Variants in TCF20 observed in about 807,000 individuals in gnomAD.
TCF20 encodes SPRE-binding protein.
A neutral mutation model predicts 148.6 loss-of-function variants in TCF20; 3 were observed. The ratio of observed to expected loss-of-function variants is 0.02; its 90% CI spans 0.01 to 0.05. TCF20 has a LOEUF of 0.05. Among genes scored for constraint, TCF20 ranks in the 10% least tolerant of loss-of-function variants. The pLI, the probability that TCF20 is intolerant of heterozygous loss-of-function variation, is 1.00. For missense variants in TCF20, 2,350 were observed against 2,429.3 expected (o/e 0.97, Z 0.69); for synonymous variants, 1,049 against 909.5 (o/e 1.15, Z -2.76).
intron 2 of TCF20, among the ~76,000 whole-genome samples, chr22:42,199,310 T>C (rs1303182807): frequency 6.6e-6 from 1 of 152,192 alleles, no homozygotes; most frequent in African/African-American, 2.4e-5. Context: ...CCCATGTTTC[T>C]TGCTCCTTCC....
intron 1 of TCF20, among the ~76,000 whole-genome samples, chr22:42,302,908 A>C (rs573617890): frequency 6.6e-6 from 1 of 152,298 alleles, no homozygotes; most frequent in East Asian, 1.9e-4. Context: ...TGGGGTGACT[A>C]TTCATGGAAA....
chr22:42,215,022 T>A lies in TCF20; in HGVS notation c.284A>T (p.Asn95Ile), dbSNP rs771822478. The A allele has an allele frequency of 1.9e-6, 3 of 1,614,228 alleles. No homozygotes were observed. The highest frequency in any genetic ancestry group is 1.1e-5 in the South Asian group (1 of 91,088). ...GGTTCCTGTAGTCACGGGGTCTTTG[T>A]TGCCTGCCATGTAGTAAAAATCTCC... ...EAGDFYYMAG[N>I]KDPVTTGTPQ... The change falls in exon 2 of 6, where the codon AAC becomes ATC. Residue 95 changes from asparagine to isoleucine, a missense_variant. Asn to Ile is a moderately radical substitution (Grantham distance 149). Transcript: ENST00000677622.
At chr22:42,192,281 G>A (rs1299151443) in intron 2 of TCF20, among the ~76,000 whole-genome samples, 1 of 152,184 alleles carries the variant, frequency 6.6e-6, no homozygotes, top group Non-Finnish European at 1.5e-5. Flanking sequence ...CCCTTAACAA[G>A]ATTTCAAATC....
rs2147105902 is a variant in TCF20, at chr22:42,183,605, C to T, written c.5656-3903G>A. Among the ~76,000 whole-genome samples the T allele has an allele frequency of 2.0e-5, 3 of 152,268 alleles. 1 individual carries two copies. The South Asian group carries it at 6.2e-4, about 32-fold the overall frequency. ...ACTCTGGACTTTTCCAAAGCCCAGC[C>T]CACACCTCAATTCCAGCCCAGTAAG... On this transcript the variant is annotated intron_variant, in intron 2 of 5. Coordinates refer to ENST00000677622, the MANE Select transcript of TCF20 (RefSeq NM_001378418.1).
chr22:42,188,293 CAAAAAAA>C (rs58945649), intron 2 of TCF20, among the ~76,000 whole-genome samples: 25 of 49,462 alleles, frequency 5.1e-4, no homozygotes, highest in African/African-American at 9.1e-4. Flanking sequence ...AACTCCGTCT[CAAAAAAA>C]AAAAAAAAAA....
intron 1 of TCF20, among the ~76,000 whole-genome samples, chr22:42,253,141 C>G (rs1039570381): frequency 3.3e-5 from 5 of 152,088 alleles, no homozygotes; most frequent in Admixed American, 2.6e-4. Context: ...TTCCTATTTC[C>G]CTATTCCCTA....
rs539061457 is a variant in TCF20, at chr22:42,199,765, G to A, written c.5655+9886C>T. 1.1e-3 allele frequency among the ~76,000 whole-genome samples: 148 copies of A among 138,056 alleles called. No homozygotes were observed. In the Middle Eastern group the frequency reaches 0.012, roughly 11 times the overall value. 90.6% of individuals were successfully genotyped at this position (138,056 alleles called of 152,430 possible). A position where few individuals can be genotyped will look rare whatever the true frequency, so the allele number is the denominator to read the frequency against. On this transcript the variant is annotated intron_variant, in intron 2 of 5. Coordinates refer to ENST00000677622, the MANE Select transcript of TCF20 (RefSeq NM_001378418.1). ...AGCCAGATGTGGTGACAGGAGAATC[G>A]CTTGAACCTGGGAGGCAGAGGTTGC...
intron 2 of TCF20, among the ~76,000 whole-genome samples, chr22:42,199,037 G>T (rs1015197219): frequency 6.6e-6 from 1 of 152,102 alleles, no homozygotes; most frequent in Non-Finnish European, 1.5e-5. Flanking sequence ...GAAGCTAACT[G>T]TATTATACTA....
chr22:42,282,561 G>C (rs1209584040), intron 1 of TCF20, among the ~76,000 whole-genome samples: 1 of 152,234 alleles, frequency 6.6e-6, no homozygotes, highest in Non-Finnish European at 1.5e-5. Flanking sequence ...CCCCATCCCA[G>C]CCTCGGTCCC....
At chr22:42,255,216 G>A (rs886244167) in intron 1 of TCF20, among the ~76,000 whole-genome samples, 1 of 152,028 alleles carries the variant, frequency 6.6e-6, no homozygotes, top group Non-Finnish European at 1.5e-5. Flanking sequence ...GGCTGGGCAT[G>A]GTGCTCATGC....
Position 42,296,523 on chromosome 22 carries a change from C to T in TCF20, c.-37+46956G>A, listed in dbSNP as rs943153547. ...TCTCCTGGCCGGGATCACAGCCCTG[C>T]GGCGTTCGAGCTGCTGCCCACCAGC... On this transcript the variant is annotated intron_variant, in intron 1 of 1. Coordinates refer to the TCF20 transcript ENST00000515426. 7.2e-5 allele frequency among the ~76,000 whole-genome samples: 11 copies of T among 152,224 alleles called. No homozygotes were observed. The East Asian group carries it at 1.9e-3, about 27-fold the overall frequency.
At chr22:42,330,105 A>G (rs1927946474) in intron 1 of TCF20, among the ~76,000 whole-genome samples, 1 of 151,922 alleles carries the variant, frequency 6.6e-6, no homozygotes, top group African/African-American at 2.4e-5. Flanking sequence ...TGCAGATTCC[A>G]CTCCAAGCTG....
At chr22:42,187,461 G>A (rs1283111448) in intron 2 of TCF20, among the ~76,000 whole-genome samples, 1 of 152,200 alleles carries the variant, frequency 6.6e-6, no homozygotes, top group Non-Finnish European at 1.5e-5. Flanking sequence ...TGTAATAAGT[G>A]TCTCTGTGGC....
upstream of TCF20, among the ~76,000 whole-genome samples, chr22:42,285,283 T>G (rs1927007563): frequency 6.6e-6 from 1 of 151,894 alleles, no homozygotes; most frequent in South Asian, 2.1e-4. The surrounding 1 kb of genome is among the most constrained non-coding windows in gnomAD (Gnocchi z 4.2). Flanking sequence ...CAGGTCCTGG[T>G]TATCTCATTT....
At chr22:42,207,094 G>C (rs1938435611) in intron 2 of TCF20, among the ~76,000 whole-genome samples, 1 of 152,164 alleles carries the variant, frequency 6.6e-6, no homozygotes, top group Admixed American at 6.5e-5. Context: ...TCAGTAAGTG[G>C]GGGTGCAACA....
chr22:42,303,739 C>T (rs1248026083), intron 1 of TCF20, among the ~76,000 whole-genome samples: 6 of 151,912 alleles, frequency 3.9e-5, no homozygotes, highest in Non-Finnish European at 5.9e-5. Context: ...CAGGGGAGTG[C>T]ACTGCTTGGA....
At chr22:42,284,668 C>T (rs1926991048), upstream of TCF20, among the ~76,000 whole-genome samples, 1 of 152,164 alleles carries the variant, frequency 6.6e-6, no homozygotes, top group South Asian at 2.1e-4. Flanking sequence ...ATGGCAGTCC[C>T]GACCACCTTT....
At chr22:42,180,060 C>T (rs989577885) in intron 2 of TCF20, among the ~76,000 whole-genome samples, 3 of 152,170 alleles carry the variant, frequency 2.0e-5, no homozygotes, top group Non-Finnish European at 2.9e-5. Context: ...TTGCTGCTAT[C>T]GTGAGCGGCC....
In TCF20 at chr22:42,239,883, T is replaced by C. The variant is rs569568722; in HGVS notation, c.-36-24542A>G. Among the ~76,000 whole-genome samples, 11 of 152,338 alleles carry C rather than the reference T, an allele frequency of 7.2e-5. No individual in the cohort carries two copies. In the South Asian group the frequency reaches 2.3e-3, roughly 32 times the overall value. ...AAAGACACAAAGTGAGCACATGCTG[T>C]TGAAAAATTGGCACCAACAGACTTA... On this transcript the variant is annotated intron_variant, in intron 1 of 5. Coordinates refer to ENST00000677622, the MANE Select transcript of TCF20 (RefSeq NM_001378418.1).
Sources: allele counts gnomAD v4.1 joint callset (sites outside exome capture counted in the v4.1 genomes callset), GRCh38; gene constraint gnomAD v4.1.1; non-coding constraint Gnocchi (gnomAD v3.1); transcripts MANE v1.5; gene names NCBI Gene and HGNC (gene_info 2026-07-23, HGNC 2026-07-21).